The following HS3ST4 variants were observed in gnomAD, a reference collection of about 807,000 sequenced individuals.
HS3ST4 encodes the protein heparan sulfate glucosamine 3-O-sulfotransferase 4.
A neutral mutation model predicts 29.2 loss-of-function variants in HS3ST4; 17 were observed. The ratio of observed to expected loss-of-function variants is 0.58; its 90% CI spans 0.40 to 0.87. The LOEUF is 0.87. Ranked by LOEUF, HS3ST4 falls within the 40% of genes least tolerant of loss-of-function variation. HS3ST4 has a pLI of 0.00. For missense variants in HS3ST4, 627 were observed against 634.5 expected, an observed-to-expected ratio of 0.99 and a Z score of 0.13; for synonymous variants, 314 against 285.7, an observed-to-expected ratio of 1.10 and a Z score of -1.00.
chr16:25,806,846 C>T (rs1966995430), intron 1 of HS3ST4, among the ~76,000 whole-genome samples: 1 of 151,954 alleles, frequency 6.6e-6, no homozygotes, highest in African/African-American at 2.4e-5. Context: ...CATATGTGTG[C>T]ATATGGGTGC....
At chr16:26,047,361 T>A (rs2141762978) in intron 1 of HS3ST4, among the ~76,000 whole-genome samples, 1 of 152,324 alleles carries the variant, frequency 6.6e-6, no homozygotes, top group Non-Finnish European at 1.5e-5. Flanking sequence ...AAGATTTCGA[T>A]CAATATTTTT....
chr16:26,077,863 G>C (rs1898681302), intron 1 of HS3ST4, among the ~76,000 whole-genome samples: 1 of 152,202 alleles, frequency 6.6e-6, no homozygotes, highest in Admixed American at 6.5e-5. Context: ...TTGAGGCTAG[G>C]AGTTTGAGAC....
chr16:26,074,416 T>G (rs1460722090), intron 1 of HS3ST4, among the ~76,000 whole-genome samples: 1 of 152,204 alleles, frequency 6.6e-6, no homozygotes, highest in Non-Finnish European at 1.5e-5. Flanking sequence ...TATTGGGGGC[T>G]GGGAATGCTT....
At chr16:25,853,016 C>CCTACAAATGCATATAT (rs139539753) in intron 1 of HS3ST4, among the ~76,000 whole-genome samples, 1 of 151,666 alleles carries the variant, frequency 6.6e-6, no homozygotes, top group Non-Finnish European at 1.5e-5. Flanking sequence ...TCCCTCCTGT[C>CCTACAAATGCATATAT]CTGCTCTTGC....
intron 1 of HS3ST4, among the ~76,000 whole-genome samples, chr16:25,993,949 C>CGTGTGTGTGT (rs56226178): frequency 7.0e-4 from 85 of 121,320 alleles, no homozygotes; most frequent in Non-Finnish European, 9.7e-4. Context: ...CACATAACCT[C>CGTGTGTGTGT]GTGTGTGTGT....
chr16:25,751,412 A>G (rs904123482), intron 1 of HS3ST4, among the ~76,000 whole-genome samples: 4 of 152,192 alleles, frequency 2.6e-5, no homozygotes, highest in African/African-American at 9.7e-5. Flanking sequence ...TGCACTTAGT[A>G]TCCTTGTAAT....
intron 1 of HS3ST4, among the ~76,000 whole-genome samples, chr16:26,072,311 A>G (rs575739019): frequency 6.6e-6 from 1 of 152,292 alleles, no homozygotes; most frequent in South Asian, 2.1e-4. Flanking sequence ...GAGCAAGCCA[A>G]TCTAGAAGAG....
At chr16:26,091,758 C>T (rs74013259) in intron 1 of HS3ST4, among the ~76,000 whole-genome samples, 5,099 of 152,256 alleles carry the variant, frequency 0.033, 268 homozygotes, top group African/African-American at 0.11. Context: ...TGTTAAGTTC[C>T]CATGATGTGC....
intron 1 of HS3ST4, among the ~76,000 whole-genome samples, chr16:25,936,322 A>G (rs1440577369): frequency 1.3e-5 from 2 of 152,210 alleles, no homozygotes; most frequent in African/African-American, 4.8e-5. Context: ...TGCAGATGAT[A>G]CAAGGCTGGG....
intron 1 of HS3ST4, among the ~76,000 whole-genome samples, chr16:25,982,730 C>T (rs544933350): frequency 2.6e-5 from 4 of 151,908 alleles, no homozygotes; most frequent in East Asian, 1.9e-4. Flanking sequence ...CTTGGGAAGC[C>T]GAGGCAGGAG....
chr16:25,860,523 G>A (rs1967626006), intron 1 of HS3ST4, among the ~76,000 whole-genome samples: 1 of 152,024 alleles, frequency 6.6e-6, no homozygotes. Flanking sequence ...TCCAGAGAAT[G>A]GACTATTATT....
intron 1 of HS3ST4, among the ~76,000 whole-genome samples, chr16:25,901,783 T>C (rs1346026449): frequency 6.6e-6 from 1 of 152,230 alleles, no homozygotes; most frequent in East Asian, 1.9e-4. Context: ...TCCTCCATCC[T>C]TGCTTTCTCT....
intron 1 of HS3ST4, among the ~76,000 whole-genome samples, chr16:25,921,665 TTCTCCAGATGTGAA>T (rs1316735984): frequency 6.6e-6 from 1 of 152,210 alleles, no homozygotes; most frequent in East Asian, 1.9e-4. Flanking sequence ...CCACTTCTAG[TTCTCCAGATGTGAA>T]GGAACCCAAC....
chr16:25,844,583 A>G (rs1028201831), intron 1 of HS3ST4, among the ~76,000 whole-genome samples: 7 of 152,216 alleles, frequency 4.6e-5, no homozygotes, highest in South Asian at 2.1e-4. Flanking sequence ...ACACAATAGG[A>G]ACGCTTTTAC....
chr16:25,949,432 A>G (rs1282304500), intron 1 of HS3ST4, among the ~76,000 whole-genome samples: 2 of 152,016 alleles, frequency 1.3e-5, no homozygotes, highest in Non-Finnish European at 2.9e-5. Flanking sequence ...ATTTCTAGTG[A>G]TGTTTTTGAT....
chr16:26,069,303 T>C (rs1898576508), intron 1 of HS3ST4, among the ~76,000 whole-genome samples: 1 of 152,220 alleles, frequency 6.6e-6, no homozygotes, highest in Non-Finnish European at 1.5e-5. Flanking sequence ...AAATGGTATC[T>C]ATTTCTACAC....
chr16:25,784,592 T>G (rs1279676953), intron 1 of HS3ST4, among the ~76,000 whole-genome samples: 1 of 152,162 alleles, frequency 6.6e-6, no homozygotes, highest in Non-Finnish European at 1.5e-5. Flanking sequence ...TAAGTCAAAG[T>G]CTAATCTAGA....
chr16:25,990,215 A>T lies in HS3ST4; in HGVS notation c.735-145397A>T, dbSNP rs184752995. 1.6e-4 allele frequency among the ~76,000 whole-genome samples: 24 copies of T among 152,308 alleles called. 1 individual carries two copies. Among genetic ancestry groups the T allele is most frequent in the Admixed American group, 1.6e-3 (24 of 15,304 alleles). The stretch of plus-strand genomic sequence containing the variant: ...GCAATTAGTGCTTTAGCTGCTATAA[A>T]CATCTGTTTGCAGGTTTTTGTGTGG... On this transcript the variant is annotated intron_variant, in intron 1 of 1. Coordinates refer to ENST00000331351, the MANE Select transcript of HS3ST4 (RefSeq NM_006040.3).
chr16:25,924,646 C>T lies in HS3ST4; in HGVS notation c.735-210966C>T, dbSNP rs554950353. ...CAATGGCCATAAAGTCCTGCAAATACGACCTCTACCTGCCTCTCCTGGCTT... is the reference window on the plus strand; with the variant it reads ...CAATGGCCATAAAGTCCTGCAAATATGACCTCTACCTGCCTCTCCTGGCTT... On this transcript the variant is annotated intron_variant, in intron 1 of 1. Transcript: ENST00000331351. 1.7e-3 allele frequency among the ~76,000 whole-genome samples: 253 copies of T among 152,290 alleles called. 2 individuals are homozygous for T. Among genetic ancestry groups the T allele is most frequent in the African/African-American group, 5.7e-3 (237 of 41,556 alleles).
Sources: gnomAD v4.1 joint callset for allele counts (sites outside exome capture counted in the v4.1 genomes callset) on GRCh38, gnomAD v4.1.1 for gene constraint, MANE v1.5 for transcripts, NCBI Gene and HGNC (gene_info 2026-07-23, HGNC 2026-07-21) for gene names.